The following BIRC6 variants were observed in gnomAD, a reference collection of about 807,000 sequenced individuals.
BIRC6 encodes the protein baculoviral IAP repeat containing 6.
Under a neutral mutation model 503.3 loss-of-function variants are expected in BIRC6, and 98 were observed. The ratio of observed to expected loss-of-function variants is 0.19; its 90% CI spans 0.17 to 0.23. The LOEUF is 0.23. Ranked by LOEUF, BIRC6 falls within the 10% of genes least tolerant of loss-of-function variation. BIRC6 has a pLI of 1.00. For missense variants in BIRC6, 5,360 were observed against 5,806.0 expected (o/e 0.92, Z 2.50); for synonymous variants, 2,240 against 2,078.7 (o/e 1.08, Z -2.11).
At position 32,567,317 on chromosome 2, in the gene BIRC6, T is replaced by A. The variant is rs140879439; in HGVS notation, c.13145-7839T>A. Among the ~76,000 whole-genome samples, 590 of 152,330 alleles carry A rather than the reference T, an allele frequency of 3.9e-3. 4 individuals are homozygous for A. Among genetic ancestry groups the A allele is most frequent in the African/African-American group, 0.013 (555 of 41,588 alleles). ...AAAAAAATGTTTTTCTTTTGGGGAA[T>A]CCCCATATCCACATACCTTTCCTGG... On this transcript the variant is annotated intron_variant, in intron 65 of 73. Transcript: ENST00000421745.
Position 32,459,265 on chromosome 2 carries a change from C to G in BIRC6, c.4754-3929C>G, listed in dbSNP as rs549620349. On this transcript the variant is annotated intron_variant, in intron 23 of 73. Transcript: ENST00000421745. ...GGAGTTTCATCCATTTAGCCTGTATCAGTACATTACTCCTTTTTCTGGCTG... is the reference window on the plus strand; with the variant it reads ...GGAGTTTCATCCATTTAGCCTGTATGAGTACATTACTCCTTTTTCTGGCTG... Among the ~76,000 whole-genome samples the G allele has an allele frequency of 1.2e-4, 19 of 152,246 alleles. No individual in the cohort carries two copies. The East Asian group carries it at 3.7e-3, about 29-fold the overall frequency.
At chr2:32,360,464 C>A (rs1382615303) in intron 1 of BIRC6, among the ~76,000 whole-genome samples, 1 of 152,186 alleles carries the variant, frequency 6.6e-6, no homozygotes, top group Non-Finnish European at 1.5e-5. Context: ...GCTGCGTGAT[C>A]TGGCTTTTAC....
At chr2:32,594,473 T>A (rs2061559394) in intron 67 of BIRC6, among the ~76,000 whole-genome samples, 1 of 152,176 alleles carries the variant, frequency 6.6e-6, no homozygotes, top group African/African-American at 2.4e-5. Context: ...AATGGATAGA[T>A]CACTTGAGCT....
intron 23 of BIRC6, among the ~76,000 whole-genome samples, chr2:32,462,412 C>A (rs771669276): frequency 6.6e-6 from 1 of 152,052 alleles, no homozygotes; most frequent in African/African-American, 2.4e-5. Flanking sequence ...TCAAAGAAAT[C>A]TGTTGTAGGG....
chr2:32,441,939 G>C (rs1381071501), intron 17 of BIRC6, 126 bp from the exon 18 acceptor site: 8 of 666,198 alleles, frequency 1.2e-5, no homozygotes, highest in Non-Finnish European at 1.8e-5. Flanking sequence ...TATAGCTATT[G>C]ATTGTTTTTA....
Position 32,594,014 on chromosome 2 carries a change from T to A in BIRC6, c.13455T>A (p.Ala4485=). ...TGGTACCAGACATCCAAAAGACTGC[T>A]GAGATAGTTTATGCAGCCACCACCA... ...TLLVPDIQKT[A]EIVYAATTSL... is the part of the protein sequence containing the mutation. Residue 4485 remains alanine, a synonymous_variant, in exon 67 of 74, where the codon GCT becomes GCA. Transcript: ENST00000421745. 1 of 1,613,434 alleles carries A rather than the reference T, an allele frequency of 6.2e-7. No homozygotes were observed. The highest frequency in any genetic ancestry group is 8.5e-7 in the Non-Finnish European group (1 of 1,179,516).
chr2:32,500,420 AT>A (rs368668031), intron 46 of BIRC6, among the ~76,000 whole-genome samples: 139 of 140,390 alleles, frequency 9.9e-4, no homozygotes, highest in East Asian at 1.3e-3. Context: ...CACCCAGCTA[AT>A]TTTTTTTTTT....
At chr2:32,574,805 A>G (rs531748100) in intron 65 of BIRC6, 22 of 304,146 alleles carry the variant, frequency 7.2e-5, no homozygotes, top group South Asian at 5.9e-4. Context: ...CTGGAGTGCA[A>G]TGGCATGATC....
At chr2:32,404,236 A>AT (rs1046254858) in intron 8 of BIRC6, among the ~76,000 whole-genome samples, 10 of 151,612 alleles carry the variant, frequency 6.6e-5, no homozygotes, top group African/African-American at 2.4e-4. Context: ...GCCGCATGTG[A>AT]TTTTTTAAAA....
At chr2:32,591,424 A>T (rs1011886272) in intron 66 of BIRC6, among the ~76,000 whole-genome samples, 1 of 152,148 alleles carries the variant, frequency 6.6e-6, no homozygotes, top group East Asian at 1.9e-4. Context: ...ATCTCTTACT[A>T]ATCTTCTTTT....
intron 73 of BIRC6, among the ~76,000 whole-genome samples, chr2:32,616,323 C>T (rs1010831385): frequency 2.0e-5 from 3 of 151,778 alleles, no homozygotes; most frequent in African/African-American, 7.3e-5. Flanking sequence ...TTTGGGAGTC[C>T]AAGGCAGGTG....
chr2:32,529,116 G>A (rs1434752862), intron 59 of BIRC6: 3 of 152,212 alleles, frequency 2.0e-5, no homozygotes, highest in Admixed American at 6.5e-5. Flanking sequence ...GATTCATGGT[G>A]GAGGCGAACA....
intron 62 of BIRC6, among the ~76,000 whole-genome samples, 152 bp from the exon 63 acceptor site, chr2:32,545,491 A>G (rs1478684115): frequency 6.6e-6 from 1 of 152,168 alleles, no homozygotes; most frequent in Non-Finnish European, 1.5e-5. Context: ...ATTTTAAGAT[A>G]TTACTGTTGT....
chr2:32,475,152 A>G (rs1446419713), intron 33 of BIRC6, among the ~76,000 whole-genome samples: 1 of 118,784 alleles, frequency 8.4e-6, no homozygotes, highest in Admixed American at 9.1e-5. Context: ...ACACAGCAAG[A>G]CTATCTTAAA....
intron 44 of BIRC6, among the ~76,000 whole-genome samples, chr2:32,493,074 G>GT (rs1353306862): frequency 1.6e-5 from 2 of 128,912 alleles, no homozygotes; most frequent in Non-Finnish European, 3.4e-5. Context: ...TTTTTGTTTT[G>GT]TTTTTCACTT....
intron 72 of BIRC6, among the ~76,000 whole-genome samples, chr2:32,610,201 T>G (rs1416196617): frequency 6.6e-6 from 1 of 152,180 alleles, no homozygotes; most frequent in East Asian, 1.9e-4. Context: ...TTTCCCTTTA[T>G]AGGTTTGATT....
At chr2:32,410,992 G>A (rs897427414) in intron 9 of BIRC6, among the ~76,000 whole-genome samples, 6 of 151,992 alleles carry the variant, frequency 3.9e-5, no homozygotes, top group Non-Finnish European at 8.8e-5. Context: ...GAGCCACCGC[G>A]CCCAGCCTAT....
At position 32,463,453 on chromosome 2, in the gene BIRC6, A is replaced by G. The variant is rs1572408565; in HGVS notation, c.4941+72A>G. On this transcript the variant is annotated intron_variant, in intron 24 of 73. Coordinates refer to ENST00000421745, the MANE Select transcript of BIRC6 (RefSeq NM_016252.4). Reference sequence around the variant, plus strand: ...AAGCTGAAAAAGTACTTTAAAAATGACCATTATTTTCATAAAGAAACGTAG... The same window carrying G: ...AAGCTGAAAAAGTACTTTAAAAATGGCCATTATTTTCATAAAGAAACGTAG... The G allele has an allele frequency of 2.8e-6, 4 of 1,404,868 alleles. No individual in the cohort carries two copies. The East Asian group carries it at 9.9e-5, about 35-fold the overall frequency. The allele number at this position is 1,404,868 out of a possible 1,614,324, so 87.0% of individuals were successfully genotyped here. A position where few individuals can be genotyped will look rare whatever the true frequency, so the allele number is the denominator to read the frequency against.
chr2:32,516,240 G>T (rs1448079752), intron 55 of BIRC6, among the ~76,000 whole-genome samples: 1 of 152,194 alleles, frequency 6.6e-6, no homozygotes, highest in African/African-American at 2.4e-5. Context: ...TAGGCTGGTT[G>T]TGGTGGCTCA....
Sources: gnomAD v4.1 joint callset for allele counts (sites outside exome capture counted in the v4.1 genomes callset) on GRCh38, gnomAD v4.1.1 for gene constraint, MANE v1.5 for transcripts, NCBI Gene and HGNC (gene_info 2026-07-23, HGNC 2026-07-21) for gene names.